The following XKR9 variants were observed in gnomAD, a reference collection of about 807,000 sequenced individuals.
XKR9 encodes XK related 9.
Under a neutral mutation model 32.0 loss-of-function variants are expected in XKR9, and 32 were observed. The observed-to-expected ratio is 1.00, with a 90% CI of 0.76 to 1.34. The LOEUF (loss-of-function observed/expected upper bound fraction) is 1.34. Among genes scored for constraint, XKR9 ranks in the 40% most tolerant of loss-of-function variants. The pLI is 0.00. For missense variants in XKR9, 546 were observed against 429.7 expected, an observed-to-expected ratio of 1.27 and a Z score of -2.39; for synonymous variants, 168 against 143.4, an observed-to-expected ratio of 1.17 and a Z score of -1.22.
At chr8:71,045,230 A>G in the XKR9 span, among the ~76,000 whole-genome samples, 1 of 152,232 alleles carries the variant, frequency 6.6e-6, no homozygotes, top group African/African-American at 2.4e-5. Flanking sequence ...AATTCAAAAT[A>G]TATACTCTCT....
At chr8:70,804,010 CTT>C in the XKR9 span, among the ~76,000 whole-genome samples, 2 of 152,230 alleles carry the variant, frequency 1.3e-5, no homozygotes, top group African/African-American at 4.8e-5. Context: ...AGGCTGCACT[CTT>C]TGAGTTGCCA....
chr8:70,850,881 G>A, the XKR9 span, among the ~76,000 whole-genome samples: 1 of 152,170 alleles, frequency 6.6e-6, no homozygotes, highest in Admixed American at 6.5e-5. Flanking sequence ...ACAAGACAAG[G>A]ATGCCCTCTC....
chr8:70,818,528 G>T, the XKR9 span, among the ~76,000 whole-genome samples: 1 of 152,094 alleles, frequency 6.6e-6, no homozygotes, highest in Non-Finnish European at 1.5e-5. Context: ...AATAACTAGT[G>T]CCTGACATTA....
At chr8:70,700,809 A>T (rs1307227796) in intron 3 of XKR9, among the ~76,000 whole-genome samples, 1 of 152,190 alleles carries the variant, frequency 6.6e-6, no homozygotes, top group African/African-American at 2.4e-5. Flanking sequence ...AGAGGCAGGC[A>T]GGCCTCCTTG....
the XKR9 span, among the ~76,000 whole-genome samples, chr8:70,986,192 C>A: frequency 6.6e-6 from 1 of 152,206 alleles, no homozygotes; most frequent in Non-Finnish European, 1.5e-5. Flanking sequence ...AATACAGATT[C>A]TGTTTATTTA....
At chr8:70,814,106 T>C in the XKR9 span, among the ~76,000 whole-genome samples, 4 of 152,168 alleles carry the variant, frequency 2.6e-5, no homozygotes, top group Non-Finnish European at 4.4e-5. Flanking sequence ...TGGAATACTA[T>C]GCAGCCATAA....
intron 3 of XKR9, among the ~76,000 whole-genome samples, chr8:70,703,794 A>T (rs967039996): frequency 6.6e-6 from 1 of 152,212 alleles, no homozygotes; most frequent in African/African-American, 2.4e-5. Flanking sequence ...TGTTTCAAAT[A>T]AAAGAAGATA....
intron 2 of XKR9, among the ~76,000 whole-genome samples, chr8:70,747,587 C>A (rs972051183): frequency 6.6e-6 from 1 of 152,156 alleles, no homozygotes; most frequent in African/African-American, 2.4e-5. Context: ...GGTCCCTTGA[C>A]CTTGGACTTC....
chr8:71,006,770 T>C, the XKR9 span, among the ~76,000 whole-genome samples: 1 of 152,202 alleles, frequency 6.6e-6, no homozygotes, highest in Non-Finnish European at 1.5e-5. Context: ...GCAGCCATTG[T>C]TGTGGCCCCA....
chr8:70,681,437 A>G, intron 3 of XKR9, 107 bp downstream of exon 3: 8 of 1,340,948 alleles, frequency 6.0e-6, no homozygotes, highest in Non-Finnish European at 8.1e-6. Flanking sequence ...CCTTATTTGC[A>G]TGAAGCACAA....
chr8:70,774,729 T>C (rs1807496803), intron 2 of XKR9, among the ~76,000 whole-genome samples: 1 of 152,174 alleles, frequency 6.6e-6, no homozygotes, highest in Admixed American at 6.6e-5. Flanking sequence ...CAATGGTCCA[T>C]TATTGGGCTG....
chr8:70,764,407 CT>C (rs931593814), intron 2 of XKR9, among the ~76,000 whole-genome samples: 7 of 152,114 alleles, frequency 4.6e-5, no homozygotes, highest in African/African-American at 1.7e-4. Context: ...AGAAAATGTA[CT>C]TGTTCTTTTG....
the XKR9 span, among the ~76,000 whole-genome samples, chr8:70,886,259 A>T: frequency 6.6e-6 from 1 of 152,180 alleles, no homozygotes; most frequent in Non-Finnish European, 1.5e-5. Flanking sequence ...CATGGTGTAT[A>T]TGTGTCACAT....
At chr8:70,779,381 A>G (rs1048076306) in intron 2 of XKR9, among the ~76,000 whole-genome samples, 3 of 152,278 alleles carry the variant, frequency 2.0e-5, no homozygotes, top group South Asian at 4.1e-4. Context: ...TTTCGCATCA[A>G]TGTTCATCAG....
chr8:70,838,641 G>C, the XKR9 span, among the ~76,000 whole-genome samples: 1 of 151,948 alleles, frequency 6.6e-6, no homozygotes, highest in Non-Finnish European at 1.5e-5. Flanking sequence ...AAAACTGGTG[G>C]GCAAAGCAGT....
At chr8:70,914,620 C>T in the XKR9 span, among the ~76,000 whole-genome samples, 4 of 152,198 alleles carry the variant, frequency 2.6e-5, no homozygotes, top group South Asian at 6.2e-4. Context: ...ATTCTGCACA[C>T]GTCTTTTGTT....
chr8:70,871,466 A>G, the XKR9 span, among the ~76,000 whole-genome samples: 2 of 152,294 alleles, frequency 1.3e-5, no homozygotes, highest in Admixed American at 1.3e-4. Context: ...GGAAATTCTC[A>G]TAATATTTCA....
At chr8:70,990,496 A>G in the XKR9 span, among the ~76,000 whole-genome samples, 1 of 152,214 alleles carries the variant, frequency 6.6e-6, no homozygotes, top group African/African-American at 2.4e-5. Context: ...CTTGCCTGCA[A>G]TCCATAAAAG....
the XKR9 span, among the ~76,000 whole-genome samples, chr8:70,847,568 A>G: frequency 6.6e-6 from 1 of 151,894 alleles, no homozygotes; most frequent in South Asian, 2.1e-4. Context: ...AAAATTGAGA[A>G]ATGTTTGGAT....
Sources: gnomAD v4.1 joint callset for allele counts (sites outside exome capture counted in the v4.1 genomes callset) on GRCh38, gnomAD v4.1.1 for gene constraint, MANE v1.5 for transcripts, NCBI Gene and HGNC (gene_info 2026-07-23, HGNC 2026-07-21) for gene names.